Variants in SCG5 observed in about 807,000 individuals in gnomAD.
The protein encoded by SCG5 is neuroendocrine protein 7B2.
Under a neutral mutation model 25.7 loss-of-function variants are expected in SCG5, and 18 were observed. The observed-to-expected ratio is 0.70, with a 90% CI of 0.48 to 1.04. SCG5 has a LOEUF of 1.04. Ranked by LOEUF, SCG5 falls within the 50% of genes least tolerant of loss-of-function variation. The probability of loss-of-function intolerance (pLI) is 0.00; values close to 1 mark genes in which losing one functional copy is unlikely to be tolerated. For synonymous variants in SCG5, 101 were observed against 91.7 expected, an observed-to-expected ratio of 1.10 and a Z score of -0.58; for missense variants, 206 against 259.8, an observed-to-expected ratio of 0.79 and a Z score of 1.42.
At chr15:32,695,076 C>T (rs571690600) in intron 5 of SCG5, among the ~76,000 whole-genome samples, 11 of 151,044 alleles carry the variant, frequency 7.3e-5, no homozygotes, top group Middle Eastern at 3.4e-3. Flanking sequence ...ACTGCAGTGG[C>T]GCAATCTCGG....
chr15:32,687,411 T>A (rs1337084882), intron 4 of SCG5, among the ~76,000 whole-genome samples: 4 of 152,260 alleles, frequency 2.6e-5, no homozygotes, highest in Admixed American at 2.6e-4. Context: ...AGATACCTTT[T>A]ATCATCTGCA....
At chr15:32,684,467 C>T in intron 3 of SCG5, 90 bp from the exon 4 acceptor site, 1 of 780,590 alleles carries the variant, frequency 1.3e-6, no homozygotes, top group South Asian at 1.6e-5. Flanking sequence ...AGATTCTGAC[C>T]TTTGGCTGCC....
At chr15:32,665,166 G>A (rs1359882186) in intron 2 of SCG5, among the ~76,000 whole-genome samples, 1 of 152,158 alleles carries the variant, frequency 6.6e-6, no homozygotes, top group African/African-American at 2.4e-5. Flanking sequence ...AATTAAAGGT[G>A]CATTTATCCA....
At chr15:32,650,344 G>C (rs1019994604) in intron 2 of SCG5, among the ~76,000 whole-genome samples, 1 of 152,094 alleles carries the variant, frequency 6.6e-6, no homozygotes, top group African/African-American at 2.4e-5. Context: ...CTCGTGATCC[G>C]CCCATCTCGG....
chr15:32,684,431 T>A, intron 3 of SCG5, 126 bp from the exon 4 acceptor site: 1 of 634,496 alleles, frequency 1.6e-6, no homozygotes, highest in Non-Finnish European at 2.8e-6. Flanking sequence ...TGGCTGCTAG[T>A]GTTCTAAGTT....
intron 4 of SCG5, among the ~76,000 whole-genome samples, chr15:32,690,924 C>CCT (rs1236698776): frequency 1.4e-5 from 2 of 144,866 alleles, no homozygotes; most frequent in Non-Finnish European, 3.1e-5. Context: ...CAAGTAAAGC[C>CCT]CCCCCCCACC....
rs2054586952 is a variant in SCG5 at position 32,679,902 on chromosome 15, T to C, written c.363T>C (p.Pro121=). ...ACCCAGACCCTCCAAATCCCTGTCC[T>C]GTTGGAAAAACAGGTAACAGATATG... ...QGYPDPPNPC[P]VGKTADDGCL... Residue 121 remains proline (P), a synonymous_variant, in exon 3 of 6, where the codon CCT becomes CCC. Transcript: ENST00000300175. 6.2e-7 allele frequency: 1 copy of C among 1,610,052 alleles called. No homozygotes were observed. The highest frequency in any genetic ancestry group is 8.5e-7 in the Non-Finnish European group (1 of 1,178,410).
chr15:32,653,100 C>CA lies in SCG5; in HGVS notation c.226+9286dup, dbSNP rs529384217. On this transcript the variant is annotated intron_variant, in intron 2 of 5. Coordinates refer to ENST00000300175, the MANE Select transcript of SCG5 (RefSeq NM_001144757.3). ...AATTAGCACAGCCTTATTGCATGCA[C>CA]AAAATGTGAAATAATGTGAATCTTC... 9.9e-5 allele frequency among the ~76,000 whole-genome samples: 15 copies of CA among 152,266 alleles called. No individual in the cohort carries two copies. In the South Asian group the frequency reaches 2.9e-3, roughly 29 times the overall value.
At chr15:32,649,027 A>T (rs1316666611) in intron 2 of SCG5, among the ~76,000 whole-genome samples, 1 of 152,080 alleles carries the variant, frequency 6.6e-6, no homozygotes, top group Non-Finnish European at 1.5e-5. Flanking sequence ...AAGTGCTGGG[A>T]TTACAGGCGT....
At chr15:32,683,255 C>A (rs1036992552) in intron 3 of SCG5, among the ~76,000 whole-genome samples, 2 of 152,020 alleles carry the variant, frequency 1.3e-5, no homozygotes, top group Non-Finnish European at 2.9e-5. Flanking sequence ...GTAAATGGCC[C>A]CCCTTTCAGC....
rs535456150 is a variant in SCG5, at chr15:32,655,767, C to T, written c.226+11949C>T. 1.2e-4 allele frequency among the ~76,000 whole-genome samples: 18 copies of T among 152,308 alleles called. 1 individual carries two copies. In the South Asian group the frequency reaches 2.5e-3, roughly 21 times the overall value. ...TTCCACCGTGGGAGAACACAGGAGA[C>T]GGAGCCACTGTGAGGAACAGGCCCT... On this transcript the variant is annotated intron_variant, in intron 2 of 5. Transcript: ENST00000300175.
intron 4 of SCG5, among the ~76,000 whole-genome samples, chr15:32,689,737 T>C (rs1162163716): frequency 6.6e-6 from 1 of 152,216 alleles, no homozygotes; most frequent in Non-Finnish European, 1.5e-5. Flanking sequence ...CCAGACACTT[T>C]CATGCAGGGG....
intron 4 of SCG5, among the ~76,000 whole-genome samples, chr15:32,690,452 C>T (rs2054830131): frequency 6.6e-6 from 1 of 152,232 alleles, no homozygotes; most frequent in South Asian, 2.1e-4. Context: ...GCAATATCCT[C>T]ATTCCTCAAG....
intron 2 of SCG5, among the ~76,000 whole-genome samples, chr15:32,667,954 C>T (rs1170920230): frequency 6.6e-6 from 1 of 152,196 alleles, no homozygotes; most frequent in Non-Finnish European, 1.5e-5. Context: ...GGATTATAGG[C>T]ATGAGCCACC....
chr15:32,667,532 G>A (rs887768141), intron 2 of SCG5, among the ~76,000 whole-genome samples: 1 of 152,240 alleles, frequency 6.6e-6, no homozygotes, highest in Non-Finnish European at 1.5e-5. Context: ...TTTAAGGCAC[G>A]AATTGCTCAT....
intron 2 of SCG5, among the ~76,000 whole-genome samples, chr15:32,662,731 T>G (rs541507497): frequency 9.2e-5 from 14 of 151,990 alleles, no homozygotes; most frequent in African/African-American, 3.4e-4. Context: ...AGCCCTGAAG[T>G]TGGAAGAAGA....
intron 2 of SCG5, among the ~76,000 whole-genome samples, chr15:32,661,502 C>A (rs1422197647): frequency 1.3e-5 from 2 of 152,118 alleles, no homozygotes; most frequent in East Asian, 3.9e-4. Flanking sequence ...TGCCTGTAAT[C>A]CCAGCTACTA....
rs1319240955 is a variant in SCG5, at chr15:32,671,975, C to T, written c.227-7791C>T. Among the ~76,000 whole-genome samples the T allele has an allele frequency of 2.0e-5, 3 of 152,336 alleles. No individual in the cohort carries two copies. In the East Asian group the frequency reaches 5.8e-4, roughly 29 times the overall value. ...CTCGCGCTGGCACCTTCAGCTCTGT[C>T]AGAGTCTGAGGGGAAACCAAAGGAG... On this transcript the variant is annotated intron_variant, in intron 2 of 5. Transcript: ENST00000300175.
chr15:32,696,542 G>A lies in SCG5; in HGVS notation c.572G>A (p.Arg191Lys). 6.2e-7 allele frequency: 1 copy of A among 1,612,852 alleles called. No individual in the cohort carries two copies. Residue 191 changes from arginine to lysine, a missense_variant, in exon 6 of 6, where the codon AGA becomes AAA. Transcript: ENST00000300175. ...GTCAATCCATATCTACAAGGACAGA[G>A]ACTGGATAATGTTGTTGCAAAGAAG... The part of the protein sequence containing the change: ...RSVNPYLQGQ[R>K]LDNVVAKKSV...
Sources: gnomAD v4.1 joint callset for allele counts (sites outside exome capture counted in the v4.1 genomes callset) on GRCh38, gnomAD v4.1.1 for gene constraint, MANE v1.5 for transcripts, NCBI Gene and HGNC (gene_info 2026-07-23, HGNC 2026-07-21) for gene names.